PLB1: variants seen among roughly 807,000 people sequenced by gnomAD.
PLB1 encodes phospholipase B1, membrane-associated.
PLB1 carries 242 observed loss-of-function variants against 227.4 expected under a neutral mutation model. That is an observed-to-expected ratio of 1.06 (90% CI 0.96 to 1.18). The LOEUF is 1.18. PLB1 is among the 50% of genes most tolerant of loss of function. The pLI, the probability that PLB1 is intolerant of heterozygous loss-of-function variation, is 0.00. For synonymous variants in PLB1, 757 were observed against 682.2 expected (o/e 1.11, Z -1.71); for missense variants, 1,858 against 1,816.3 (o/e 1.02, Z -0.42).
At chr2:28,609,965 A>T (rs144218753) in intron 43 of PLB1, among the ~76,000 whole-genome samples, 311 of 152,208 alleles carry the variant, frequency 2.0e-3, no homozygotes, top group African/African-American at 7.3e-3. Flanking sequence ...GACTTATGTA[A>T]TCTTAGGTTC....
In PLB1 at chr2:28,630,613, G is replaced by C; in HGVS notation, c.3846G>C (p.Ser1282=). The C allele has an allele frequency of 1.2e-6, 2 of 1,613,520 alleles. No individual in the cohort carries two copies. The highest frequency in any genetic ancestry group is 1.7e-6 in the Non-Finnish European group (2 of 1,179,730). ...ACAACTGCACTTGCCTCAGACACTC[G>C]CAAAGCTCCCTGGAGAAGCAAGAAC... ...AQNNCTCLRH[S]QSSLEKQELK... The change falls in exon 54 of 58, where the codon TCG becomes TCC. Residue 1282 remains serine (S), a synonymous_variant. Coordinates refer to ENST00000327757, the MANE Select transcript of PLB1 (RefSeq NM_153021.5).
chr2:28,640,818 A>G (rs1165457876), intron 56 of PLB1, 109 bp from the exon 57 acceptor site: 2 of 1,161,550 alleles, frequency 1.7e-6, no homozygotes, highest in African/African-American at 1.6e-5. Flanking sequence ...GCTGGTTTCT[A>G]TCCCCCACCC....
At position 28,527,896 on chromosome 2, in the gene PLB1, C is replaced by T. The variant is rs148547507; in HGVS notation, c.326-1421C>T. On this transcript the variant is annotated intron_variant, in intron 6 of 57. Coordinates refer to ENST00000327757, the MANE Select transcript of PLB1 (RefSeq NM_153021.5). ...AAATATTTGTATTTTGTCATTGATC[C>T]TTACAGACTATCCTCAGATGAGGGA... Among the ~76,000 whole-genome samples the T allele has an allele frequency of 4.8e-4, 73 of 152,320 alleles. No homozygotes were observed. In the East Asian group the frequency reaches 0.011, roughly 24 times the overall value.
At position 28,541,786 on chromosome 2, in the gene PLB1, A is replaced by G. The variant is rs150097410; in HGVS notation, c.854A>G (p.Tyr285Cys). 7.4e-6 allele frequency: 12 copies of G among 1,613,478 alleles called. No homozygotes were observed. In the African/African-American group the frequency reaches 1.3e-4, roughly 18 times the overall value. Residue 285 changes from tyrosine to cysteine, a missense_variant, in exon 13 of 58, where the codon TAT becomes TGT. By Grantham distance (194) the Tyr-to-Cys change is radical. Coordinates refer to ENST00000327757, the MANE Select transcript of PLB1 (RefSeq NM_153021.5). ...ACCGTGGTTTTCCAGCCTTTCTTCTATGAGACCACCCCATCTCTACACTCG... is the reference window on the plus strand; with the variant it reads ...ACCGTGGTTTTCCAGCCTTTCTTCTGTGAGACCACCCCATCTCTACACTCG... ...SFTVVFQPFF[Y>C]ETTPSLHSED...
At chr2:28,619,589 G>T (rs2148325450) in intron 46 of PLB1, among the ~76,000 whole-genome samples, 1 of 149,016 alleles carries the variant, frequency 6.7e-6, no homozygotes, top group African/African-American at 2.5e-5. Context: ...AGGAACTGAT[G>T]AGGGTCTTAG....
intron 2 of PLB1, among the ~76,000 whole-genome samples, chr2:28,517,746 C>A (rs1043322589): frequency 3.9e-5 from 6 of 152,064 alleles, no homozygotes; most frequent in African/African-American, 9.7e-5. Context: ...TTAATTACTT[C>A]TTTTCACTAG....
At chr2:28,535,914 T>A (rs533266312) in intron 9 of PLB1, among the ~76,000 whole-genome samples, 2 of 152,236 alleles carry the variant, frequency 1.3e-5, no homozygotes, top group South Asian at 4.1e-4. Flanking sequence ...AGTGAGACTC[T>A]GTCTTTAAAA....
At chr2:28,510,560 C>T (rs1668114562) in intron 1 of PLB1, among the ~76,000 whole-genome samples, 1 of 151,572 alleles carries the variant, frequency 6.6e-6, no homozygotes, top group Non-Finnish European at 1.5e-5. Flanking sequence ...ATCTATGTTT[C>T]AATTCACCCT....
chr2:28,641,141 T>C (rs2148354381), intron 57 of PLB1, 140 bp downstream of exon 57: 1 of 765,206 alleles, frequency 1.3e-6, no homozygotes, highest in Non-Finnish European at 2.1e-6. Context: ...AAATCCCACC[T>C]GTCCCCAGTG....
At chr2:28,629,058 C>T (rs919631861) in intron 52 of PLB1, 36 bp from the exon 53 acceptor site, 3 of 1,581,438 alleles carry the variant, frequency 1.9e-6, no homozygotes, top group African/African-American at 1.3e-5. Context: ...CAGCAGTAGC[C>T]AGTGCCCTAA....
At chr2:28,558,855 A>G (rs1366191807) in intron 17 of PLB1, among the ~76,000 whole-genome samples, 1 of 152,174 alleles carries the variant, frequency 6.6e-6, no homozygotes, top group Admixed American at 6.5e-5. Context: ...GGGCCACAAG[A>G]CAATTTATAC....
At chr2:28,556,595 G>A (rs1034621269) in intron 17 of PLB1, among the ~76,000 whole-genome samples, 7 of 152,104 alleles carry the variant, frequency 4.6e-5, no homozygotes, top group African/African-American at 7.2e-5. Flanking sequence ...GCATAACCAA[G>A]AAAAACATAT....
chr2:28,544,761 GC>G (rs557086801), intron 14 of PLB1, among the ~76,000 whole-genome samples: 39 of 152,294 alleles, frequency 2.6e-4, no homozygotes, highest in Admixed American at 2.2e-3. Context: ...GCGTTCCCAG[GC>G]AAAGGGACCT....
chr2:28,533,259 C>T (rs565426960), intron 9 of PLB1, among the ~76,000 whole-genome samples: 1 of 152,168 alleles, frequency 6.6e-6, no homozygotes, highest in African/African-American at 2.4e-5. Flanking sequence ...GGAAATCCAC[C>T]TTCCTGACTA....
intron 19 of PLB1, 31 bp from the exon 20 acceptor site, chr2:28,566,765 C>T (rs201065485): frequency 6.2e-7 from 1 of 1,613,344 alleles, no homozygotes; most frequent in Non-Finnish European, 8.5e-7. Context: ...GATTTTAACC[C>T]TTCATTTTCT....
chr2:28,641,018 C>T lies in PLB1; in HGVS notation c.4173+17C>T, dbSNP rs1470306386. The stretch of plus-strand genomic sequence containing the variant: ...CCCTCTCCTGTGAGTAAACGTCCTG[C>T]CTGCCCCAGGTGGAACAGATGCCTG... On this transcript the variant is annotated intron_variant, in intron 57 of 57. Coordinates refer to ENST00000327757, the MANE Select transcript of PLB1 (RefSeq NM_153021.5). The T allele has an allele frequency of 1.9e-6, 3 of 1,610,732 alleles. No individual in the cohort carries two copies. The highest frequency in any genetic ancestry group is 1.1e-5 in the South Asian group (1 of 90,500).
At chr2:28,523,335 G>GTTTTTTTTT (rs199936505) in intron 4 of PLB1, among the ~76,000 whole-genome samples, 1 of 116,892 alleles carries the variant, frequency 8.6e-6, no homozygotes, top group Non-Finnish European at 1.8e-5. Context: ...TATCTGCGAG[G>GTTTTTTTTT]TTTTTTTTTT....
intron 9 of PLB1, among the ~76,000 whole-genome samples, chr2:28,536,007 C>T (rs138564360): frequency 0.017 from 2,646 of 152,284 alleles, 34 homozygotes; most frequent in Middle Eastern, 0.071. Flanking sequence ...AGAAGGTGGG[C>T]ACCAGCTGCC....
At chr2:28,600,978 C>T in intron 36 of PLB1, 118 bp downstream of exon 36, 1 of 954,360 alleles carries the variant, frequency 1.0e-6, no homozygotes, top group Non-Finnish European at 1.6e-6. Context: ...GGCATTCAAG[C>T]AGTGGTCGGA....
Sources: allele counts gnomAD v4.1 joint callset (sites outside exome capture counted in the v4.1 genomes callset), GRCh38; gene constraint gnomAD v4.1.1; transcripts MANE v1.5; gene names NCBI Gene and HGNC (gene_info 2026-07-23, HGNC 2026-07-21).